The following PBX1 variants were observed in gnomAD, a reference collection of about 807,000 sequenced individuals.
PBX1 encodes the protein PBX homeobox 1.
Under a neutral mutation model 53.4 loss-of-function variants are expected in PBX1, and 6 were observed. The observed-to-expected ratio is 0.11, with a 90% CI of 0.06 to 0.22. The LOEUF is 0.22. PBX1 is among the 10% of genes least tolerant of loss of function. The pLI is 1.00. For missense variants in PBX1, 251 were observed against 551.4 expected, an observed-to-expected ratio of 0.46 and a Z score of 5.46; for synonymous variants, 204 against 212.3, an observed-to-expected ratio of 0.96 and a Z score of 0.34.
intron 2 of PBX1, among the ~76,000 whole-genome samples, chr1:164,882,116 C>CTT (rs879926385): frequency 5.5e-5 from 8 of 145,398 alleles, no homozygotes; most frequent in African/African-American, 1.8e-4. Context: ...TAGTCCAACC[C>CTT]TTTTTTTTTT....
intron 2 of PBX1, among the ~76,000 whole-genome samples, chr1:164,716,477 A>C (rs1340364285): frequency 1.3e-5 from 2 of 152,192 alleles, no homozygotes; most frequent in Non-Finnish European, 2.9e-5. Context: ...TGATGATGGC[A>C]GATGGCAGTG....
chr1:164,682,406 T>C (rs1364010163), intron 2 of PBX1: 1 of 152,184 alleles, frequency 6.6e-6, no homozygotes, highest in Non-Finnish European at 1.5e-5. Flanking sequence ...AGTAAATGCT[T>C]ATTGAGCATC....
At chr1:164,613,900 C>A (rs1465521998) in intron 2 of PBX1, among the ~76,000 whole-genome samples, 1 of 152,068 alleles carries the variant, frequency 6.6e-6, no homozygotes, top group East Asian at 1.9e-4. Context: ...CTCCTGGAAC[C>A]TACAGTGGAG....
At chr1:164,624,914 A>G (rs527285607) in intron 2 of PBX1, among the ~76,000 whole-genome samples, 11 of 152,288 alleles carry the variant, frequency 7.2e-5, no homozygotes, top group African/African-American at 2.4e-4. Flanking sequence ...ACTTTTGACA[A>G]CTATTTTAAT....
chr1:164,760,339 T>C (rs1003261021), intron 2 of PBX1, among the ~76,000 whole-genome samples: 6 of 152,046 alleles, frequency 3.9e-5, no homozygotes, highest in East Asian at 1.9e-4. Flanking sequence ...GGTTTCCAAG[T>C]TGAGGAAGTT....
intron 2 of PBX1, among the ~76,000 whole-genome samples, chr1:164,612,378 A>G (rs1780355): frequency 0.45 from 68,671 of 151,886 alleles, 15,751 homozygotes; most frequent in East Asian, 0.53. Context: ...AAGTGACCAC[A>G]GAAAGGAAAG....
At chr1:164,565,176 G>A (rs1480510604) in intron 2 of PBX1, among the ~76,000 whole-genome samples, 2 of 152,106 alleles carry the variant, frequency 1.3e-5, no homozygotes, top group African/African-American at 4.8e-5. Flanking sequence ...GAGGGTTAAA[G>A]AGTTCGCTCC....
At chr1:164,693,219 C>A (rs1051463596) in intron 2 of PBX1, among the ~76,000 whole-genome samples, 2 of 152,198 alleles carry the variant, frequency 1.3e-5, no homozygotes, top group African/African-American at 4.8e-5. Flanking sequence ...TCTGAACTGG[C>A]CCTGTGGTTC....
chr1:164,565,155 C>T (rs1432630814), intron 2 of PBX1, among the ~76,000 whole-genome samples: 1 of 151,906 alleles, frequency 6.6e-6, no homozygotes, highest in Non-Finnish European at 1.5e-5. Context: ...GAATAGAGAT[C>T]CGGTTCAGGT....
chr1:164,861,113 G>A (rs534410111), intron 2 of PBX1, among the ~76,000 whole-genome samples: 19 of 151,984 alleles, frequency 1.3e-4, no homozygotes, highest in African/African-American at 4.3e-4. Flanking sequence ...AAGGAAAAGA[G>A]GGAGAGATTG....
intron 2 of PBX1, among the ~76,000 whole-genome samples, chr1:164,749,853 G>A (rs1056683360): frequency 6.6e-6 from 1 of 152,156 alleles, no homozygotes; most frequent in Non-Finnish European, 1.5e-5. Flanking sequence ...TGGGAATGAG[G>A]GTTTGAATGA....
chr1:164,786,505 A>G (rs896332526), intron 2 of PBX1, among the ~76,000 whole-genome samples: 43 of 152,210 alleles, frequency 2.8e-4, no homozygotes, highest in Non-Finnish European at 4.0e-4. Context: ...AGGGCATTCT[A>G]TCACCCAATA....
At chr1:164,884,129 G>A (rs950817530) in intron 2 of PBX1, among the ~76,000 whole-genome samples, 1 of 152,112 alleles carries the variant, frequency 6.6e-6, no homozygotes, top group African/African-American at 2.4e-5. Context: ...TAAAACACGG[G>A]TAATAATAAC....
intron 2 of PBX1, among the ~76,000 whole-genome samples, chr1:164,883,200 T>C (rs913602709): frequency 6.6e-6 from 1 of 152,136 alleles, no homozygotes; most frequent in African/African-American, 2.4e-5. Context: ...GCCATCAGTG[T>C]TCAGGTACAG....
chr1:164,562,995 G>T, intron 1 of PBX1: 4 of 266,196 alleles, frequency 1.5e-5, no homozygotes, highest in Non-Finnish European at 2.1e-5. Context: ...TTCCCTAAAT[G>T]GGCATAATTT....
chr1:164,573,950 GGTT>G (rs1654047032), intron 2 of PBX1, among the ~76,000 whole-genome samples: 1 of 152,180 alleles, frequency 6.6e-6, no homozygotes, highest in South Asian at 2.1e-4. Flanking sequence ...GAAGATACAT[GGTT>G]GTTCCCCACT....
At chr1:164,740,341 C>T (rs1665538227) in intron 2 of PBX1, among the ~76,000 whole-genome samples, 1 of 151,392 alleles carries the variant, frequency 6.6e-6, no homozygotes. Context: ...GCAATAAATA[C>T]ATTTTAAATT....
At chr1:164,753,154 G>A (rs1289801701) in intron 2 of PBX1, among the ~76,000 whole-genome samples, 1 of 152,032 alleles carries the variant, frequency 6.6e-6, no homozygotes, top group Non-Finnish European at 1.5e-5. Flanking sequence ...TTCTTTTTTG[G>A]CTCTCAAAAG....
At chr1:164,745,561 G>A (rs1226446283) in intron 2 of PBX1, among the ~76,000 whole-genome samples, 23 of 152,088 alleles carry the variant, frequency 1.5e-4, no homozygotes, top group Admixed American at 1.5e-3. Context: ...TCTTCTAATT[G>A]AGCTGCATCA....
Sources: allele counts gnomAD v4.1 joint callset (sites outside exome capture counted in the v4.1 genomes callset), GRCh38; gene constraint gnomAD v4.1.1; transcripts MANE v1.5; gene names NCBI Gene and HGNC (gene_info 2026-07-23, HGNC 2026-07-21).